Variants in GNA12 observed in about 807,000 individuals in gnomAD.
GNA12 encodes the protein guanine nucleotide-binding protein subunit alpha-12.
A neutral mutation model predicts 26.0 loss-of-function variants in GNA12; 9 were observed. That is an observed-to-expected ratio of 0.35 (90% CI 0.21 to 0.60). GNA12 has a LOEUF of 0.60. GNA12 is among the 20% of genes least tolerant of loss of function. The pLI is 0.78. For synonymous variants in GNA12, 264 were observed against 219.6 expected (o/e 1.20, Z -1.79); for missense variants, 405 against 525.8 (o/e 0.77, Z 2.25).
chr7:2,797,391 G>A (rs1260822967), intron 1 of GNA12, among the ~76,000 whole-genome samples: 2 of 151,534 alleles, frequency 1.3e-5, no homozygotes, highest in East Asian at 1.9e-4. Context: ...TGATCCTCTG[G>A]CCTTAGCCTT....
intron 1 of GNA12, among the ~76,000 whole-genome samples, chr7:2,798,656 T>C (rs913980319): frequency 6.6e-6 from 1 of 152,208 alleles, no homozygotes; most frequent in Non-Finnish European, 1.5e-5. Context: ...ATAAATATGA[T>C]TATTTGAAAA....
At chr7:2,805,168 T>G (rs1792914566) in intron 1 of GNA12, among the ~76,000 whole-genome samples, 1 of 152,168 alleles carries the variant, frequency 6.6e-6, no homozygotes, top group Non-Finnish European at 1.5e-5. Context: ...ATGCATAAAA[T>G]TCATGCCAGT....
At chr7:2,821,308 G>C (rs1039318223) in intron 1 of GNA12, among the ~76,000 whole-genome samples, 1 of 152,170 alleles carries the variant, frequency 6.6e-6, no homozygotes, top group Non-Finnish European at 1.5e-5. Context: ...CCGTGGCAAG[G>C]TGACTGTCTT....
chr7:2,840,656 C>G (rs2114983127), intron 1 of GNA12, among the ~76,000 whole-genome samples: 1 of 152,184 alleles, frequency 6.6e-6, no homozygotes, highest in Middle Eastern at 3.4e-3. Context: ...TTCAAGAGCT[C>G]AAGACCAGCC....
intron 1 of GNA12, among the ~76,000 whole-genome samples, chr7:2,821,020 G>A (rs1214846566): frequency 2.0e-5 from 3 of 152,334 alleles, no homozygotes; most frequent in Non-Finnish European, 2.9e-5. Context: ...GATTACAGGC[G>A]TGAGCCACCG....
intron 1 of GNA12, among the ~76,000 whole-genome samples, chr7:2,796,126 C>T (rs115504248): frequency 0.013 from 1,905 of 151,954 alleles, 42 homozygotes; most frequent in African/African-American, 0.043. Flanking sequence ...TCAGCCTCCC[C>T]GCCAAAAAAA....
intron 1 of GNA12, among the ~76,000 whole-genome samples, chr7:2,836,839 G>A (rs1275171233): frequency 2.6e-5 from 4 of 152,244 alleles, no homozygotes; most frequent in Non-Finnish European, 4.4e-5. Context: ...CAGGAGAATC[G>A]CTTGAACCTG....
At chr7:2,835,713 T>C in intron 1 of GNA12, 3 of 1,004,708 alleles carry the variant, frequency 3.0e-6, no homozygotes, top group Middle Eastern at 3.1e-4. Flanking sequence ...GGAATACAAG[T>C]AGAATCACAG....
At chr7:2,794,125 G>C (rs762374822) in intron 2 of GNA12, among the ~76,000 whole-genome samples, 1 of 152,034 alleles carries the variant, frequency 6.6e-6, no homozygotes, top group Non-Finnish European at 1.5e-5. Context: ...CTTATATGAA[G>C]GTTAAGAATC....
intron 2 of GNA12, among the ~76,000 whole-genome samples, chr7:2,751,074 G>C (rs1040016379): frequency 1.3e-5 from 2 of 152,146 alleles, no homozygotes; most frequent in Non-Finnish European, 1.5e-5. Context: ...GCATTTCGGG[G>C]AGAAATCTGT....
At chr7:2,814,364 T>C in intron 1 of GNA12, 10 of 1,603,396 alleles carry the variant, frequency 6.2e-6, no homozygotes, top group Non-Finnish European at 8.5e-6. Context: ...GCACTTTCGG[T>C]TTCCATCTGG....
At chr7:2,832,481 G>C (rs189372621) in intron 1 of GNA12, among the ~76,000 whole-genome samples, 3 of 152,286 alleles carry the variant, frequency 2.0e-5, no homozygotes, top group Admixed American at 2.0e-4. Flanking sequence ...TCCACGCCAT[G>C]CACCATCACT....
chr7:2,737,269 GTTTTGTTTTTTT>G (rs1446882327), intron 2 of GNA12, among the ~76,000 whole-genome samples: 1 of 38,112 alleles, frequency 2.6e-5, no homozygotes, highest in African/African-American at 9.4e-5. Flanking sequence ...TCACAGTTTT[GTTTTGTTTTTTT>G]TTTTTTTGTT....
chr7:2,826,062 A>C (rs778925761), intron 1 of GNA12, among the ~76,000 whole-genome samples: 5 of 152,132 alleles, frequency 3.3e-5, no homozygotes, highest in African/African-American at 4.8e-5. Flanking sequence ...TCCGGAAGAC[A>C]GTTGGGCAGT....
At position 2,729,611 on chromosome 7, in the gene GNA12, C is replaced by T. The variant is rs1036368758; in HGVS notation, c.*1570G>A. 2.6e-5 allele frequency: 4 copies of T among 152,398 alleles called. No homozygotes were observed. The highest frequency in any genetic ancestry group is 4.4e-5 in the Non-Finnish European group (3 of 68,022). The allele number at this position is 152,398 out of a possible 1,614,324, so 9.4% of individuals were successfully genotyped here. A position where few individuals can be genotyped will look rare whatever the true frequency, so the allele number is the denominator to read the frequency against. ...ATCTGCCCCAAGGGCTTGCGTTTAC[C>T]GGGTTTGCGGAAAACAAGCCAAGGG... On this transcript the variant is annotated 3_prime_UTR_variant, in exon 4 of 4. Coordinates refer to ENST00000275364, the MANE Select transcript of GNA12 (RefSeq NM_007353.3).
intron 2 of GNA12, among the ~76,000 whole-genome samples, chr7:2,734,607 T>C (rs1790066042): frequency 6.6e-6 from 1 of 152,338 alleles, no homozygotes; most frequent in South Asian, 2.1e-4. Context: ...TCAGTCTATC[T>C]CTTCCTCCTC....
In GNA12 at chr7:2,731,496, G is replaced by C. The variant is rs1487722362; in HGVS notation, c.831C>G (p.Phe277Leu). The C allele has an allele frequency of 6.2e-7, 1 of 1,613,772 alleles. No homozygotes were observed. The change falls in exon 4 of 4, where the codon TTC becomes TTG. Residue 277 changes from phenylalanine (F) to leucine (L), a missense_variant. Transcript: ENST00000275364. This position sits in a 1 kb window ranked among gnomAD's most constrained non-coding sequence, Gnocchi z 6.0. ...TNRLVESMNI[F>L]ETIVNNKLFF... The stretch of plus-strand genomic sequence containing the variant: ...AGAGCTTGTTGTTGACGATGGTCTC[G>C]AAGATGTTCATGGACTCCACCAGCC...
Position 2,826,157 on chromosome 7 carries a change from T to G in GNA12, c.309+17696A>C, listed in dbSNP as rs1405267615. 2.6e-5 allele frequency among the ~76,000 whole-genome samples: 4 copies of G among 151,986 alleles called. 1 individual carries two copies. The highest frequency in any genetic ancestry group is 2.6e-4 in the Admixed American group (4 of 15,256). Reference sequence around the variant, plus strand: ...ACTTTGGGAGGCGCAGGCGGGCAGATCACGAGGTCAGGAGTTTGAAACCAG... The same window carrying G: ...ACTTTGGGAGGCGCAGGCGGGCAGAGCACGAGGTCAGGAGTTTGAAACCAG... On this transcript the variant is annotated intron_variant, in intron 1 of 3. Coordinates refer to ENST00000275364, the MANE Select transcript of GNA12 (RefSeq NM_007353.3).
intron 2 of GNA12, among the ~76,000 whole-genome samples, chr7:2,746,410 A>G (rs138995276): frequency 0.037 from 5,557 of 152,234 alleles, 182 homozygotes; most frequent in Middle Eastern, 0.11. Flanking sequence ...ACCTGCTCCT[A>G]AATGACTACT....
Sources: gnomAD v4.1 joint callset for allele counts (sites outside exome capture counted in the v4.1 genomes callset) on GRCh38, gnomAD v4.1.1 for gene constraint, Gnocchi (gnomAD v3.1) non-coding constraint, MANE v1.5 for transcripts, NCBI Gene and HGNC (gene_info 2026-07-23, HGNC 2026-07-21) for gene names.